Variants in CEPT1 observed in about 807,000 individuals in gnomAD.
CEPT1 encodes choline/ethanolamine phosphotransferase 1, also known as choline/ethanolaminephosphotransferase 1.
A neutral mutation model predicts 42.6 loss-of-function variants in CEPT1; 7 were observed. The ratio of observed to expected loss-of-function variants is 0.16; its 90% CI spans 0.09 to 0.31. The LOEUF (loss-of-function observed/expected upper bound fraction) is 0.31, where lower values mean the gene tolerates loss of function less well. Among genes scored for constraint, CEPT1 ranks in the 10% least tolerant of loss-of-function variants. The pLI is 1.00. For synonymous variants in CEPT1, 171 were observed against 171.9 expected (o/e 0.99, Z 0.04); for missense variants, 306 against 502.1 (o/e 0.61, Z 3.73).
chr1:111,139,788 T>A (rs1253753765), upstream of CEPT1: 1 of 152,722 alleles, frequency 6.5e-6, no homozygotes, highest in African/African-American at 2.4e-5. Context: ...TGAGCCCAGC[T>A]GCACTCATCC....
intron 4 of CEPT1, chr1:111,168,066 G>A (rs1225820811): frequency 6.5e-6 from 1 of 152,968 alleles, no homozygotes; most frequent in South Asian, 2.1e-4. Flanking sequence ...GTAGAGACAG[G>A]TCTTGCTGTG....
chr1:111,159,665 C>G (rs1655770281), intron 3 of CEPT1, 138 bp downstream of exon 3: 1 of 597,886 alleles, frequency 1.7e-6, no homozygotes, highest in African/African-American at 2.0e-5. Flanking sequence ...GACTATGAAC[C>G]TAGTTAATAT....
chr1:111,181,457 C>G (rs1656983046), intron 5 of CEPT1: 1 of 152,154 alleles, frequency 6.6e-6, no homozygotes, highest in Non-Finnish European at 1.5e-5. Flanking sequence ...TCCACTCTGT[C>G]CCCCATACTT....
intron 4 of CEPT1, among the ~76,000 whole-genome samples, chr1:111,162,187 A>G (rs1427908202): frequency 1.3e-5 from 2 of 152,222 alleles, no homozygotes; most frequent in Non-Finnish European, 1.5e-5. Context: ...AAAGCAGGGA[A>G]ATGACAAAAG....
At chr1:111,171,005 T>G (rs1398327836) in intron 4 of CEPT1, among the ~76,000 whole-genome samples, 1 of 152,210 alleles carries the variant, frequency 6.6e-6, no homozygotes, top group Non-Finnish European at 1.5e-5. Context: ...GAAATGCATA[T>G]GTCACATGTA....
intron 2 of CEPT1, among the ~76,000 whole-genome samples, chr1:111,155,534 T>G (rs1655516255): frequency 6.6e-6 from 1 of 151,754 alleles, no homozygotes; most frequent in Non-Finnish European, 1.5e-5. Context: ...ATATATATAT[T>G]CACTTTTTTG....
intron 2 of CEPT1, among the ~76,000 whole-genome samples, chr1:111,148,387 A>C (rs613915): frequency 0.2 from 30,455 of 151,418 alleles, 3,223 homozygotes; most frequent in Middle Eastern, 0.27. Flanking sequence ...AAAAAAAAAA[A>C]AACAGTGAGA....
At position 111,184,891 on chromosome 1, in the gene CEPT1, C is replaced by T. The variant is rs1032919946; in HGVS notation, c.*581C>T. ...TTTTAATTGCTCAAGAAATGATTCT[C>T]TCACAGGCTTGGGAAATCCTGTTAG... On this transcript the variant is annotated 3_prime_UTR_variant, in exon 9 of 9. Transcript: ENST00000357172. 7.5e-6 allele frequency: 1 copy of T among 133,948 alleles called. No individual in the cohort carries two copies. Among genetic ancestry groups the T allele is most frequent in the African/African-American group, 2.8e-5 (1 of 35,870 alleles). The allele number at this position is 133,948 out of a possible 1,614,324, so 8.3% of individuals were successfully genotyped here.
chr1:111,182,764 T>C (rs748821618), intron 6 of CEPT1, 35 bp from the exon 7 acceptor site: 3 of 1,574,834 alleles, frequency 1.9e-6, no homozygotes, highest in East Asian at 2.2e-5. Flanking sequence ...TGATGAGTAC[T>C]GAATACTATT....
intron 2 of CEPT1, among the ~76,000 whole-genome samples, chr1:111,152,940 T>C (rs1423482776): frequency 6.6e-6 from 1 of 152,228 alleles, no homozygotes; most frequent in Non-Finnish European, 1.5e-5. Flanking sequence ...AGGGTAATTA[T>C]GTCTGTCACC....
intron 2 of CEPT1, among the ~76,000 whole-genome samples, chr1:111,158,869 T>G (rs1403185548): frequency 6.8e-6 from 1 of 146,754 alleles, no homozygotes. Flanking sequence ...CCTGAACACC[T>G]CTAAAAGCAG....
intron 4 of CEPT1, among the ~76,000 whole-genome samples, chr1:111,174,184 T>TC (rs1478171872): frequency 6.6e-6 from 1 of 152,198 alleles, no homozygotes; most frequent in Non-Finnish European, 1.5e-5. Context: ...TTCTTTTTTT[T>TC]CACACTTTCA....
intron 5 of CEPT1, among the ~76,000 whole-genome samples, chr1:111,175,501 A>G (rs916645120): frequency 1.3e-5 from 2 of 152,132 alleles, no homozygotes; most frequent in Non-Finnish European, 2.9e-5. Context: ...CAAACCTCTG[A>G]GGTAGGGAGT....
chr1:111,182,691 C>A, intron 6 of CEPT1, 108 bp from the exon 7 acceptor site: 1 of 994,764 alleles, frequency 1.0e-6, no homozygotes, highest in Non-Finnish European at 1.5e-6. Flanking sequence ...TATCAGGCAC[C>A]ATGAGGTTCC....
Position 111,184,306 on chromosome 1 carries a change from A to ATTAATGATGTAATTGGT in CEPT1, c.1248_*13dup. 1.2e-6 allele frequency: 2 copies of ATTAATGATGTAATTGGT among 1,610,906 alleles called. No homozygotes were observed. The highest frequency in any genetic ancestry group is 1.7e-6 in the Non-Finnish European group (2 of 1,177,946). On this transcript the variant is annotated stop_gained and frameshift_variant, in exon 9 of 9. Coordinates refer to ENST00000357172, the MANE Select transcript of CEPT1 (RefSeq NM_006090.5). LOFTEE classifies it high-confidence loss of function. Reference sequence around the variant, plus strand: ...GTCTCTACAGCTCATTCTAATCATCATTAATGATGTAATTGGTATATAGGA... The same window carrying ATTAATGATGTAATTGGT: ...GTCTCTACAGCTCATTCTAATCATCATTAATGATGTAATTGGTTTAATGATGTAATTGGTATATAGGA...
chr1:111,165,172 C>T (rs1656081288), intron 4 of CEPT1, among the ~76,000 whole-genome samples: 1 of 148,134 alleles, frequency 6.8e-6, no homozygotes, highest in Non-Finnish European at 1.5e-5. Flanking sequence ...GCCTCAGCCT[C>T]TGAGTAGCTG....
chr1:111,149,630 T>A (rs995246342), intron 2 of CEPT1, among the ~76,000 whole-genome samples: 1 of 152,212 alleles, frequency 6.6e-6, no homozygotes, highest in Non-Finnish European at 1.5e-5. Flanking sequence ...AGTACATTAT[T>A]TAAATGTGTC....
At chr1:111,168,630 A>G (rs1422805908) in intron 4 of CEPT1, among the ~76,000 whole-genome samples, 1 of 151,976 alleles carries the variant, frequency 6.6e-6, no homozygotes, top group East Asian at 1.9e-4. Context: ...CTGTCACTAC[A>G]GGCGCCCACC....
chr1:111,160,934 C>T (rs1187157334), intron 3 of CEPT1: 30 of 543,696 alleles, frequency 5.5e-5, no homozygotes, highest in Middle Eastern at 4.9e-4. Flanking sequence ...AAGAACTTTG[C>T]TTCCACTAAG....
Sources: allele counts gnomAD v4.1 joint callset (sites outside exome capture counted in the v4.1 genomes callset), GRCh38; gene constraint gnomAD v4.1.1; transcripts MANE v1.5; gene names NCBI Gene and HGNC (gene_info 2026-07-23, HGNC 2026-07-21).